Variants in NRXN1 observed in about 807,000 individuals in gnomAD.
The protein encoded by NRXN1 is neurexin-1.
NRXN1 carries 39 observed loss-of-function variants against 150.9 expected under a neutral mutation model. The ratio of observed to expected loss-of-function variants is 0.26; its 90% CI spans 0.20 to 0.34. NRXN1 has a LOEUF of 0.34. Ranked by LOEUF, NRXN1 falls within the 10% of genes least tolerant of loss-of-function variation. The pLI is 1.00. For synonymous variants in NRXN1, 924 were observed against 757.0 expected (o/e 1.22, Z -3.62); for missense variants, 1,815 against 1,949.9 (o/e 0.93, Z 1.30).
chr2:50,225,594 C>A (rs2064296617), intron 18 of NRXN1, among the ~76,000 whole-genome samples: 1 of 151,776 alleles, frequency 6.6e-6, no homozygotes, highest in South Asian at 2.1e-4. Context: ...ATATATAATC[C>A]AGGCCTCAAA....
At chr2:50,120,139 T>G (rs975710494) in intron 18 of NRXN1, among the ~76,000 whole-genome samples, 1 of 149,156 alleles carries the variant, frequency 6.7e-6, no homozygotes, top group African/African-American at 2.6e-5. Flanking sequence ...AATTATTCAC[T>G]TTGTTTCTCA....
chr2:49,954,414 C>T (rs1366990982), intron 21 of NRXN1, among the ~76,000 whole-genome samples: 1 of 152,148 alleles, frequency 6.6e-6, no homozygotes, highest in Admixed American at 6.6e-5. Flanking sequence ...TGAGCTCTCT[C>T]TAAATTCTAA....
At chr2:50,579,431 C>G (rs1671921851) in intron 8 of NRXN1, among the ~76,000 whole-genome samples, 1 of 152,128 alleles carries the variant, frequency 6.6e-6, no homozygotes, top group African/African-American at 2.4e-5. Context: ...AAGGCCGAGG[C>G]AGGAGGATTG....
At chr2:50,466,563 A>G (rs1289794577) in intron 16 of NRXN1, 1 of 451,794 alleles carries the variant, frequency 2.2e-6, no homozygotes, top group East Asian at 7.0e-5. Context: ...GCAAACACAG[A>G]AGAATGTTCA....
intron 18 of NRXN1, among the ~76,000 whole-genome samples, chr2:50,207,119 G>A (rs1187889125): frequency 1.3e-5 from 2 of 152,046 alleles, no homozygotes; most frequent in African/African-American, 2.4e-5. Flanking sequence ...ACTTACCGAT[G>A]GGGTATAAAC....
intron 18 of NRXN1, among the ~76,000 whole-genome samples, chr2:50,197,396 T>C (rs905633525): frequency 3.9e-5 from 6 of 152,146 alleles, no homozygotes; most frequent in African/African-American, 1.4e-4. Context: ...TTTCCTAAAA[T>C]GAAGACTTTG....
intron 17 of NRXN1, among the ~76,000 whole-genome samples, chr2:50,322,183 C>A (rs1377639570): frequency 6.6e-6 from 1 of 152,024 alleles, no homozygotes; most frequent in Non-Finnish European, 1.5e-5. Context: ...ACACAAGGAC[C>A]ACGAAGGCCA....
At chr2:50,124,929 T>C (rs753415367) in intron 18 of NRXN1, among the ~76,000 whole-genome samples, 2 of 152,158 alleles carry the variant, frequency 1.3e-5, no homozygotes, top group Admixed American at 6.5e-5. Context: ...ATACATTGAT[T>C]TATAATTCAT....
At chr2:50,746,035 G>A (rs1259165033) in intron 5 of NRXN1, among the ~76,000 whole-genome samples, 1 of 152,132 alleles carries the variant, frequency 6.6e-6, no homozygotes, top group Non-Finnish European at 1.5e-5. Flanking sequence ...ATCTAGCAGT[G>A]ACTTGAAGCT....
At chr2:50,228,944 A>T (rs1020808537) in intron 18 of NRXN1, among the ~76,000 whole-genome samples, 18 of 152,014 alleles carry the variant, frequency 1.2e-4, no homozygotes. Context: ...TGTTGTCGAT[A>T]TAAGAATCCC....
Position 50,933,243 on chromosome 2 carries a change from C to T in NRXN1, c.773-7288G>A, listed in dbSNP as rs578205865. Among the ~76,000 whole-genome samples, 10 of 152,162 alleles carry T rather than the reference C, an allele frequency of 6.6e-5. No homozygotes were observed. In the South Asian group the frequency reaches 1.9e-3, roughly 28 times the overall value. ...TTTCATACCCATCACATAAATTGTG[C>T]CTTCCTTTTAAAACATCTGAAACAA... On this transcript the variant is annotated intron_variant, in intron 2 of 22. Transcript: ENST00000401669.
chr2:50,136,684 C>T (rs1261156762), intron 18 of NRXN1, among the ~76,000 whole-genome samples: 1 of 152,144 alleles, frequency 6.6e-6, no homozygotes, highest in Non-Finnish European at 1.5e-5. Flanking sequence ...CCTAATCAGG[C>T]ATAACAGCCA....
At chr2:50,636,199 C>T (rs1683216597) in intron 5 of NRXN1, among the ~76,000 whole-genome samples, 1 of 152,180 alleles carries the variant, frequency 6.6e-6, no homozygotes, top group Admixed American at 6.5e-5. Flanking sequence ...TTCTTTTAAA[C>T]AAGTTTGTGC....
At chr2:50,550,034 T>A (rs906700067) in intron 9 of NRXN1, among the ~76,000 whole-genome samples, 12 of 152,336 alleles carry the variant, frequency 7.9e-5, no homozygotes, top group Non-Finnish European at 1.5e-4. Flanking sequence ...TTCAAATGAA[T>A]AATGAATACT....
At chr2:50,089,304 T>C (rs1257802088) in intron 19 of NRXN1, among the ~76,000 whole-genome samples, 1 of 152,224 alleles carries the variant, frequency 6.6e-6, no homozygotes, top group African/African-American at 2.4e-5. Flanking sequence ...TTTTGCACGT[T>C]CAGGTCCACT....
At chr2:49,958,002 TTAAG>T (rs1675281217) in intron 21 of NRXN1, among the ~76,000 whole-genome samples, 3 of 152,172 alleles carry the variant, frequency 2.0e-5, no homozygotes, top group Admixed American at 2.0e-4. Context: ...TACTGAAATT[TTAAG>T]TAAGGCCTTT....
At chr2:50,141,411 C>T (rs545411278) in intron 18 of NRXN1, among the ~76,000 whole-genome samples, 56 of 151,992 alleles carry the variant, frequency 3.7e-4, no homozygotes, top group Admixed American at 9.2e-4. Context: ...AAAGATTTTA[C>T]GGCTAAGTCC....
intron 17 of NRXN1, among the ~76,000 whole-genome samples, chr2:50,431,713 C>G (rs2084977367): frequency 6.6e-6 from 1 of 152,190 alleles, no homozygotes; most frequent in South Asian, 2.1e-4. Flanking sequence ...TGCTTTCACA[C>G]TACAATCACA....
At chr2:50,409,437 T>C (rs1334886472) in intron 17 of NRXN1, among the ~76,000 whole-genome samples, 1 of 152,248 alleles carries the variant, frequency 6.6e-6, no homozygotes, top group East Asian at 1.9e-4. Context: ...GCTGTGTTTT[T>C]AGGCAGTGCC....
Sources: gnomAD v4.1 joint callset for allele counts (sites outside exome capture counted in the v4.1 genomes callset) on GRCh38, gnomAD v4.1.1 for gene constraint, MANE v1.5 for transcripts, NCBI Gene and HGNC (gene_info 2026-07-23, HGNC 2026-07-21) for gene names.